Variants in CDH12 observed in about 807,000 individuals in gnomAD.
The protein encoded by CDH12 is cadherin 12.
Under a neutral mutation model 74.1 loss-of-function variants are expected in CDH12, and 41 were observed. That is an observed-to-expected ratio of 0.55 (90% CI 0.43 to 0.72). CDH12 has a LOEUF of 0.72. CDH12 is among the 30% of genes least tolerant of loss of function. The pLI is 0.00. For missense variants in CDH12, 945 were observed against 977.2 expected, an observed-to-expected ratio of 0.97 and a Z score of 0.44; for synonymous variants, 399 against 355.0, an observed-to-expected ratio of 1.12 and a Z score of -1.39.
chr5:22,361,558 T>A (rs539126642), intron 3 of CDH12, among the ~76,000 whole-genome samples: 11 of 152,282 alleles, frequency 7.2e-5, no homozygotes, highest in Admixed American at 5.2e-4. Flanking sequence ...ATGACTTTCT[T>A]CACAGAATTG....
At chr5:21,878,925 AAAAG>A (rs58667501) in intron 6 of CDH12, among the ~76,000 whole-genome samples, 4 of 148,758 alleles carry the variant, frequency 2.7e-5, no homozygotes, top group South Asian at 4.3e-4. Flanking sequence ...GGAAGAAAGA[AAAAG>A]AAAGAAAGAA....
chr5:22,596,445 G>GA (rs964646059), intron 1 of CDH12, among the ~76,000 whole-genome samples: 55 of 151,830 alleles, frequency 3.6e-4, no homozygotes, highest in Non-Finnish European at 5.5e-4. Context: ...CCATCTCAAA[G>GA]AAAAAAAATA....
intron 6 of CDH12, among the ~76,000 whole-genome samples, chr5:21,964,646 A>T (rs2150112897): frequency 6.6e-6 from 1 of 152,088 alleles, no homozygotes; most frequent in Non-Finnish European, 1.5e-5. Context: ...CTTTTGTTGT[A>T]TTAGAGATTA....
chr5:21,783,854 T>C (rs1746052825), intron 10 of CDH12, among the ~76,000 whole-genome samples: 1 of 151,922 alleles, frequency 6.6e-6, no homozygotes, highest in Non-Finnish European at 1.5e-5. Context: ...GTAAATGGGG[T>C]TGAGAGAAGC....
At chr5:22,770,311 G>T (rs939537951) in intron 1 of CDH12, among the ~76,000 whole-genome samples, 7 of 152,098 alleles carry the variant, frequency 4.6e-5, no homozygotes, top group African/African-American at 1.7e-4. Context: ...TACAGGGGAA[G>T]AAAACATATA....
chr5:22,058,405 A>C (rs2150202134), intron 5 of CDH12, among the ~76,000 whole-genome samples: 1 of 152,270 alleles, frequency 6.6e-6, no homozygotes, highest in East Asian at 1.9e-4. Context: ...GCATGGCTTC[A>C]TAAGGTACTA....
At chr5:22,059,195 T>C (rs1740981023) in intron 5 of CDH12, among the ~76,000 whole-genome samples, 1 of 152,122 alleles carries the variant, frequency 6.6e-6, no homozygotes, top group African/African-American at 2.4e-5. Flanking sequence ...CTGGGAGAGT[T>C]GTGTTTTCAA....
At chr5:22,397,141 T>A (rs1026620927) in intron 3 of CDH12, among the ~76,000 whole-genome samples, 2 of 152,204 alleles carry the variant, frequency 1.3e-5, no homozygotes, top group South Asian at 2.1e-4. Context: ...GTTATTAAGA[T>A]GTAGCCGGTG....
rs528370432 is a variant in CDH12 at position 21,956,715 on chromosome 5, A to AT, written c.526+18375dup. 3.7e-3 allele frequency among the ~76,000 whole-genome samples: 556 copies of AT among 151,868 alleles called. 6 individuals carry two copies. Among genetic ancestry groups the AT allele is most frequent in the African/African-American group, 0.013 (526 of 41,444 alleles). On this transcript the variant is annotated intron_variant, in intron 6 of 14. Coordinates refer to ENST00000382254, the MANE Select transcript of CDH12 (RefSeq NM_004061.5). The stretch of plus-strand genomic sequence containing the variant: ...TCATTTCATAGATAGGATATTCTTT[A>AT]TTTTTTATTTTTATTTAAATATTTG...
intron 1 of CDH12, among the ~76,000 whole-genome samples, chr5:22,546,186 C>T (rs1039088916): frequency 2.6e-5 from 4 of 152,046 alleles, no homozygotes; most frequent in Admixed American, 2.0e-4. Context: ...CCTCATGATC[C>T]ACCTGCCTCG....
At chr5:22,063,610 G>T (rs1476277080) in intron 5 of CDH12, among the ~76,000 whole-genome samples, 2 of 151,512 alleles carry the variant, frequency 1.3e-5, no homozygotes, top group Non-Finnish European at 2.9e-5. Context: ...ATCTTACTGG[G>T]CCTAGTATTC....
At chr5:22,230,092 T>C (rs1364221728) in intron 3 of CDH12, among the ~76,000 whole-genome samples, 2 of 152,128 alleles carry the variant, frequency 1.3e-5, no homozygotes, top group Non-Finnish European at 2.9e-5. Flanking sequence ...AAATACATAG[T>C]TCAACAGCAT....
chr5:22,439,422 T>C (rs1429046140), intron 2 of CDH12, among the ~76,000 whole-genome samples: 1 of 152,092 alleles, frequency 6.6e-6, no homozygotes, highest in African/African-American at 2.4e-5. Flanking sequence ...CCCATAAATG[T>C]CACCAATTTC....
At chr5:22,233,632 G>C (rs1002275046) in intron 3 of CDH12, among the ~76,000 whole-genome samples, 1 of 152,134 alleles carries the variant, frequency 6.6e-6, no homozygotes, top group Admixed American at 6.6e-5. Flanking sequence ...AGTCAGAATG[G>C]TGTTTTATAG....
At chr5:22,072,530 TTGTG>T (rs36214247) in intron 5 of CDH12, among the ~76,000 whole-genome samples, 5,940 of 146,266 alleles carry the variant, frequency 0.041, 264 homozygotes, top group African/African-American at 0.11. Context: ...TATAGCACTT[TTGTG>T]TGTGTGTGTG....
At chr5:21,776,096 A>G (rs541093603) in intron 11 of CDH12, among the ~76,000 whole-genome samples, 1 of 152,312 alleles carries the variant, frequency 6.6e-6, no homozygotes, top group Non-Finnish European at 1.5e-5. Flanking sequence ...TCTTGCTGGC[A>G]CTTTCTCTTT....
chr5:22,834,183 A>C (rs1736728628), intron 1 of CDH12, among the ~76,000 whole-genome samples: 1 of 152,118 alleles, frequency 6.6e-6, no homozygotes, highest in South Asian at 2.1e-4. Context: ...CATCAGTACC[A>C]CTTCTGCTGT....
intron 6 of CDH12, among the ~76,000 whole-genome samples, chr5:21,958,933 T>G (rs1381725545): frequency 6.6e-6 from 1 of 152,204 alleles, no homozygotes; most frequent in African/African-American, 2.4e-5. Flanking sequence ...GCATGATATG[T>G]TTTCCATTTT....
At chr5:22,197,403 C>T (rs368527181) in intron 4 of CDH12, among the ~76,000 whole-genome samples, 13 of 152,144 alleles carry the variant, frequency 8.5e-5, no homozygotes, top group East Asian at 7.8e-4. Context: ...GCCAAGAGTC[C>T]GCCACTGCAC....
Sources: gnomAD v4.1 joint callset for allele counts (sites outside exome capture counted in the v4.1 genomes callset) on GRCh38, gnomAD v4.1.1 for gene constraint, MANE v1.5 for transcripts, NCBI Gene and HGNC (gene_info 2026-07-23, HGNC 2026-07-21) for gene names.